Variants in DHCR7 observed in about 807,000 individuals in gnomAD.
The protein encoded by DHCR7 is 7-dehydrocholesterol reductase.
Under a neutral mutation model 43.3 loss-of-function variants are expected in DHCR7, and 40 were observed. That is an observed-to-expected ratio of 0.92 (90% CI 0.72 to 1.20). The LOEUF is 1.20. Among genes scored for constraint, DHCR7 ranks in the 50% most tolerant of loss-of-function variants. DHCR7 has a pLI of 0.00. For synonymous variants in DHCR7, 298 were observed against 271.4 expected (o/e 1.10, Z -0.96); for missense variants, 608 against 644.6 (o/e 0.94, Z 0.62).
chr11:71,446,195 T>C (rs1279622698), intron 2 of DHCR7, among the ~76,000 whole-genome samples: 2 of 143,898 alleles, frequency 1.4e-5, no homozygotes, highest in African/African-American at 5.2e-5. Flanking sequence ...TATTGATATA[T>C]GTGACAGCTC....
chr11:71,429,044 C>T (rs762682386), intron 2 of DHCR7, among the ~76,000 whole-genome samples: 13 of 152,240 alleles, frequency 8.5e-5, no homozygotes, highest in Non-Finnish European at 8.8e-5. Context: ...AGAATTGGCA[C>T]TTCCATTGCA....
chr11:71,446,435 T>A (rs1300845867), intron 2 of DHCR7, among the ~76,000 whole-genome samples: 1 of 152,208 alleles, frequency 6.6e-6, no homozygotes, highest in Admixed American at 6.5e-5. Context: ...TTGACTATTG[T>A]ATGCACAGAA....
chr11:71,428,729 C>T, exon 3 of DHCR7: 1 of 430,398 alleles, frequency 2.3e-6, no homozygotes, highest in South Asian at 1.7e-5. Flanking sequence ...CAGTCCTGTC[C>T]AGGGGGAAAC....
chr11:71,435,146 T>C lies in DHCR7; in HGVS notation c.*229A>G. On this transcript the variant is annotated 3_prime_UTR_variant, in exon 9 of 9. Transcript: ENST00000355527. The stretch of plus-strand genomic sequence containing the variant: ...CCCCAGGGACACTGATTAGAGAAAA[T>C]CCGTCTGTGCTGGCAATACGGCAGT... 1 of 689,142 alleles carries C rather than the reference T, an allele frequency of 1.5e-6. No individual in the cohort carries two copies. The highest frequency in any genetic ancestry group is 1.5e-5 in the South Asian group (1 of 66,706). 42.7% of individuals were successfully genotyped at this position (689,142 alleles called of 1,614,324 possible). A position where few individuals can be genotyped will look rare whatever the true frequency, so the allele number is the denominator to read the frequency against.
intron 2 of DHCR7, among the ~76,000 whole-genome samples, chr11:71,445,230 C>G (rs369820774): frequency 2.6e-5 from 4 of 152,392 alleles, no homozygotes; most frequent in South Asian, 2.1e-4. Flanking sequence ...AATGCCCCCC[C>G]TCTTACAGCA....
downstream of DHCR7, among the ~76,000 whole-genome samples, chr11:71,430,803 G>T (rs75327849): frequency 0.012 from 1,823 of 152,324 alleles, 38 homozygotes; most frequent in African/African-American, 0.042. Context: ...TGAGTCTGGA[G>T]TCTTTATAGG....
chr11:71,438,599 C>T (rs1172132446), intron 7 of DHCR7: 1 of 521,982 alleles, frequency 1.9e-6, no homozygotes. Flanking sequence ...CCACACACCC[C>T]CAGATTCTAC....
At chr11:71,436,458 T>C (rs1378142985) in intron 8 of DHCR7, among the ~76,000 whole-genome samples, 1 of 150,760 alleles carries the variant, frequency 6.6e-6, no homozygotes, top group African/African-American at 2.4e-5. Context: ...AGATCAGGAG[T>C]TTGAGACCAG....
At chr11:71,428,615 A>G (rs1248575495) in exon 3 of DHCR7, 2 of 327,380 alleles carry the variant, frequency 6.1e-6, no homozygotes, top group Non-Finnish European at 1.2e-5. Context: ...CACTCCTAAC[A>G]GTGGGATGTG....
Position 71,435,121 on chromosome 11 carries a change from C to A in DHCR7, c.*254G>T. On this transcript the variant is annotated 3_prime_UTR_variant, in exon 9 of 9. Coordinates refer to ENST00000355527, the MANE Select transcript of DHCR7 (RefSeq NM_001360.3). Reference sequence around the variant, plus strand: ...TAAAGGTGACTGGGTCATCCTCCTGCCCCAGGGACACTGATTAGAGAAAAT... The same window carrying A: ...TAAAGGTGACTGGGTCATCCTCCTGACCCAGGGACACTGATTAGAGAAAAT... 1 of 669,202 alleles carries A rather than the reference C, an allele frequency of 1.5e-6. No homozygotes were observed. 41.5% of individuals were successfully genotyped at this position (669,202 alleles called of 1,614,324 possible).
intron 6 of DHCR7, among the ~76,000 whole-genome samples, chr11:71,439,930 C>T (rs1949330590): frequency 6.6e-6 from 1 of 152,212 alleles, no homozygotes; most frequent in Admixed American, 6.5e-5. Flanking sequence ...GTGTAAACCA[C>T]ACTGGGGTTT....
At chr11:71,428,952 C>T in intron 2 of DHCR7, 1 of 434,344 alleles carries the variant, frequency 2.3e-6, no homozygotes, top group Non-Finnish European at 4.6e-6. Flanking sequence ...CTCCCGCCTC[C>T]TCCTCACTTA....
At position 71,435,040 on chromosome 11, in the gene DHCR7, CAG is replaced by C. The variant is rs763034353; in HGVS notation, c.*333_*334del. On this transcript the variant is annotated 3_prime_UTR_variant, in exon 9 of 9. Coordinates refer to ENST00000355527, the MANE Select transcript of DHCR7 (RefSeq NM_001360.3). The stretch of plus-strand genomic sequence containing the variant: ...AAGACCTCCTGCTCACCAGTGTGGG[CAG>C]AGTGTAGCGTGGCCTGGGCTCCTAA... 1.9e-6 allele frequency: 1 copy of C among 526,582 alleles called. No homozygotes were observed. Among genetic ancestry groups the C allele is most frequent in the Non-Finnish European group, 3.7e-6 (1 of 272,710 alleles). The allele number at this position is 526,582 out of a possible 1,614,324, so 32.6% of individuals were successfully genotyped here.
At chr11:71,442,854 G>T (rs538404244) in intron 4 of DHCR7, among the ~76,000 whole-genome samples, 1 of 152,088 alleles carries the variant, frequency 6.6e-6, no homozygotes, top group East Asian at 1.9e-4. Flanking sequence ...ACAATTCAGC[G>T]GCATTTAGCG....
rs944295206 is a variant in DHCR7 at position 71,429,225 on chromosome 11, G to A, written c.320-373C>T. 3.9e-5 allele frequency among the ~76,000 whole-genome samples: 6 copies of A among 152,224 alleles called. No homozygotes were observed. The South Asian group carries it at 6.2e-4, about 16-fold the overall frequency. ...AGGTGGTGGGCATGGCTATTGCTGT[G>A]TCAATATGGGAGGCTGCAGCAAGAG... On this transcript the variant is annotated intron_variant, in intron 2 of 2. Transcript: ENST00000534795.
intron 5 of DHCR7, among the ~76,000 whole-genome samples, chr11:71,441,661 G>T (rs531951601): frequency 9.4e-4 from 143 of 152,176 alleles, no homozygotes; most frequent in Admixed American, 2.8e-3. Context: ...TCCATCCTTT[G>T]GTTCTGCATC....
intron 5 of DHCR7, 45 bp from the exon 6 acceptor site, chr11:71,441,485 A>G: frequency 6.7e-7 from 1 of 1,496,058 alleles, no homozygotes; most frequent in African/African-American, 1.4e-5. Context: ...CCCAACCCGC[A>G]GTGAGGAGCT....
At chr11:71,439,371 C>T (rs767658678) in intron 6 of DHCR7, among the ~76,000 whole-genome samples, 7 of 152,214 alleles carry the variant, frequency 4.6e-5, no homozygotes, top group African/African-American at 7.2e-5. Context: ...GGTGGGAGAC[C>T]GGCCCTGGGC....
At chr11:71,436,557 G>T (rs908183711) in intron 8 of DHCR7, among the ~76,000 whole-genome samples, 8 of 152,316 alleles carry the variant, frequency 5.3e-5, no homozygotes, top group Admixed American at 6.5e-5. Flanking sequence ...CAGCTACTCG[G>T]GAGGCTGAGG....
Sources: allele counts gnomAD v4.1 joint callset (sites outside exome capture counted in the v4.1 genomes callset), GRCh38; gene constraint gnomAD v4.1.1; transcripts MANE v1.5; gene names NCBI Gene and HGNC (gene_info 2026-07-23, HGNC 2026-07-21).